Variants in PSMD11 observed in about 807,000 individuals in gnomAD.
PSMD11 encodes the protein 26S proteasome non-ATPase regulatory subunit 11.
In PSMD11, 5 loss-of-function variants were observed where a neutral mutation model predicts 62.3. That is an observed-to-expected ratio of 0.08 (90% CI 0.04 to 0.17). The LOEUF is 0.17. PSMD11 is among the 10% of genes least tolerant of loss of function. PSMD11 has a pLI of 1.00. For synonymous variants in PSMD11, 191 were observed against 191.8 expected (o/e 1.00, Z 0.03); for missense variants, 310 against 512.9 (o/e 0.60, Z 3.82).
chr17:32,474,852 C>T, intron 8 of PSMD11, 28 bp downstream of exon 8: 2 of 1,599,268 alleles, frequency 1.3e-6, no homozygotes, highest in African/African-American at 1.3e-5. Context: ...TGCAGTTCTG[C>T]TCACTCTGAG....
intron 2 of PSMD11, among the ~76,000 whole-genome samples, chr17:32,448,175 G>T (rs1273022910): frequency 1.3e-5 from 2 of 151,934 alleles, no homozygotes; most frequent in South Asian, 2.1e-4. Context: ...CATTGTGCCC[G>T]GCCAGTGATT....
At chr17:32,455,053 G>T (rs888261648) in intron 3 of PSMD11, among the ~76,000 whole-genome samples, 22 of 152,148 alleles carry the variant, frequency 1.4e-4, no homozygotes, top group Non-Finnish European at 1.9e-4. Flanking sequence ...GTCTCATTGT[G>T]CAGAAGTGAC....
At chr17:32,460,548 C>T (rs1011936985) in intron 3 of PSMD11, among the ~76,000 whole-genome samples, 2 of 151,874 alleles carry the variant, frequency 1.3e-5, no homozygotes, top group African/African-American at 2.4e-5. Context: ...GCCGAGTGGG[C>T]GGATTGTGAG....
intron 6 of PSMD11, among the ~76,000 whole-genome samples, chr17:32,472,541 C>CTT (rs1304090257): frequency 3.6e-5 from 5 of 138,940 alleles, no homozygotes; most frequent in Admixed American, 7.3e-5. Context: ...TGCCTGACCT[C>CTT]TTTTTTTTTT....
intron 3 of PSMD11, among the ~76,000 whole-genome samples, chr17:32,461,046 T>C (rs1455472897): frequency 6.6e-6 from 1 of 152,074 alleles, no homozygotes; most frequent in African/African-American, 2.4e-5. Context: ...GGGCAACTTT[T>C]CTGGTATAGT....
At chr17:32,451,878 A>G (rs1397622073) in intron 2 of PSMD11, among the ~76,000 whole-genome samples, 1 of 152,142 alleles carries the variant, frequency 6.6e-6, no homozygotes, top group Non-Finnish European at 1.5e-5. Flanking sequence ...AACTGGGACT[A>G]CAGGCCTTCA....
intron 7 of PSMD11, 74 bp downstream of exon 7, chr17:32,474,019 C>T: frequency 6.4e-7 from 1 of 1,558,314 alleles, no homozygotes; most frequent in Non-Finnish European, 8.8e-7. Flanking sequence ...CAGAGATGGC[C>T]TGAGCAGGGA....
chr17:32,480,277 C>G (rs1908449932), intron 12 of PSMD11, 80 bp downstream of exon 12: 1 of 1,553,344 alleles, frequency 6.4e-7, no homozygotes, highest in Admixed American at 1.7e-5. Context: ...AGAAGATGTT[C>G]TATTTGTTTC....
At chr17:32,475,605 T>TC (rs1402608807) in intron 8 of PSMD11, among the ~76,000 whole-genome samples, 1 of 150,848 alleles carries the variant, frequency 6.6e-6, no homozygotes. Flanking sequence ...TAATTGGCTT[T>TC]TTTTTTTTTT....
rs1907843877 is a variant in PSMD11, at chr17:32,461,523, A to G, written c.319-2526A>G. ...GAGGTGGAGGTTGCAGTGACCTGAGATTGCGCCATTGCACTCCAGCCTGGG... is the reference window on the plus strand; with the variant it reads ...GAGGTGGAGGTTGCAGTGACCTGAGGTTGCGCCATTGCACTCCAGCCTGGG... On this transcript the variant is annotated intron_variant, in intron 3 of 13. Coordinates refer to ENST00000261712, the MANE Select transcript of PSMD11 (RefSeq NM_002815.4). Among the ~76,000 whole-genome samples, 3 of 149,430 alleles carry G rather than the reference A, an allele frequency of 2.0e-5. No homozygotes were observed. In the South Asian group the frequency reaches 6.4e-4, roughly 32 times the overall value.
chr17:32,459,081 A>C (rs1233123079), intron 3 of PSMD11, among the ~76,000 whole-genome samples: 5 of 143,768 alleles, frequency 3.5e-5, no homozygotes, highest in Non-Finnish European at 7.5e-5. Flanking sequence ...GGCAAGAGTA[A>C]GAAGAGTGAG....
intron 5 of PSMD11, among the ~76,000 whole-genome samples, chr17:32,466,493 C>T (rs909154788): frequency 6.6e-6 from 1 of 152,178 alleles, no homozygotes; most frequent in Non-Finnish European, 1.5e-5. Flanking sequence ...TAGCATGTGT[C>T]AGTACTTCAT....
chr17:32,447,445 AT>A (rs201173449), intron 2 of PSMD11: 27 of 155,162 alleles, frequency 1.7e-4, no homozygotes, highest in South Asian at 5.8e-4. Flanking sequence ...ACTCACTGTC[AT>A]TTTTTTTTGA....
At chr17:32,458,811 C>T (rs1907724597) in intron 3 of PSMD11, among the ~76,000 whole-genome samples, 2 of 152,156 alleles carry the variant, frequency 1.3e-5, no homozygotes, top group African/African-American at 4.8e-5. Context: ...ATATGGATTG[C>T]TGTCAGCTTG....
chr17:32,479,926 G>A (rs769284943), intron 11 of PSMD11, 40 bp downstream of exon 11: 10 of 1,600,136 alleles, frequency 6.2e-6, no homozygotes, highest in Admixed American at 1.7e-5. Flanking sequence ...GGAATGGGAC[G>A]GGGTGGCGAG....
Position 32,481,496 on chromosome 17 carries a change from T to G in PSMD11, c.*744T>G, listed in dbSNP as rs1275693303. On this transcript the variant is annotated 3_prime_UTR_variant, in exon 14 of 14. Transcript: ENST00000261712. ...CCCTTAGCCCCCAAGGGGCCTGCTA[T>G]GCATGTGGCTTTTTTTTTTTTTTTA... is the stretch of plus-strand genomic sequence containing the variant. The G allele has an allele frequency of 1.4e-5, 2 of 143,430 alleles. No homozygotes were observed. The highest frequency in any genetic ancestry group is 3.1e-5 in the Non-Finnish European group (2 of 65,492). The allele number at this position is 143,430 out of a possible 1,614,324, so 8.9% of individuals were successfully genotyped here.
intron 3 of PSMD11, chr17:32,463,360 T>A (rs1907897375): frequency 6.6e-6 from 1 of 152,062 alleles, no homozygotes; most frequent in Non-Finnish European, 1.5e-5. Flanking sequence ...TTTTTTTAAT[T>A]AAAAAAATTT....
chr17:32,450,894 C>G (rs187049753), intron 2 of PSMD11, among the ~76,000 whole-genome samples: 1 of 151,216 alleles, frequency 6.6e-6, no homozygotes, highest in African/African-American at 2.4e-5. Context: ...GACCCTATCT[C>G]TGTTAAAAAA....
intron 4 of PSMD11, 114 bp from the exon 5 acceptor site, chr17:32,464,407 A>T (rs978593527): frequency 4.7e-6 from 4 of 859,918 alleles, no homozygotes; most frequent in African/African-American, 1.7e-5. Flanking sequence ...GCTGAATTTG[A>T]TGCTATCATC....
Sources: gnomAD v4.1 joint callset for allele counts (sites outside exome capture counted in the v4.1 genomes callset) on GRCh38, gnomAD v4.1.1 for gene constraint, MANE v1.5 for transcripts, NCBI Gene and HGNC (gene_info 2026-07-23, HGNC 2026-07-21) for gene names.